The following PRIM2 variants were observed in gnomAD, a reference collection of about 807,000 sequenced individuals.
PRIM2 encodes the protein DNA primase subunit 2.
Under a neutral mutation model 67.3 loss-of-function variants are expected in PRIM2, and 39 were observed. The observed-to-expected ratio is 0.58, with a 90% CI of 0.45 to 0.76. PRIM2 has a LOEUF of 0.76. PRIM2 is among the 30% of genes least tolerant of loss of function. The pLI is 0.00. For synonymous variants in PRIM2, 143 were observed against 198.7 expected (o/e 0.72, Z 2.36); for missense variants, 398 against 598.7 (o/e 0.66, Z 3.50).
chr6:57,309,175 A>G, the PRIM2 span, among the ~76,000 whole-genome samples: 1 of 150,874 alleles, frequency 6.6e-6, no homozygotes, highest in African/African-American at 2.4e-5. Flanking sequence ...GTTTTAGGGT[A>G]CATGTACACA....
chr6:57,364,639 C>T (rs540127771), intron 5 of PRIM2, among the ~76,000 whole-genome samples: 10 of 152,048 alleles, frequency 6.6e-5, no homozygotes, highest in South Asian at 2.1e-4. Flanking sequence ...AGATGTTCTT[C>T]GTTTGGGTCT....
At chr6:57,541,890 CT>C (rs2127471797) in intron 10 of PRIM2, among the ~76,000 whole-genome samples, 1 of 152,146 alleles carries the variant, frequency 6.6e-6, no homozygotes, top group African/African-American at 2.4e-5. Context: ...GAAACACCCC[CT>C]CAGACACCCC....
intron 5 of PRIM2, among the ~76,000 whole-genome samples, chr6:57,357,469 T>C (rs1769067196): frequency 6.6e-6 from 1 of 152,222 alleles, no homozygotes; most frequent in African/African-American, 2.4e-5. Flanking sequence ...ACATGTTTTT[T>C]CCCCTTGACT....
At chr6:57,325,801 G>C in intron 4 of PRIM2, 124 bp from the exon 5 acceptor site, 1 of 890,814 alleles carries the variant, frequency 1.1e-6, no homozygotes, top group South Asian at 1.6e-5. Context: ...TAGAGGACTT[G>C]CATGTTTTTA....
intron 5 of PRIM2, among the ~76,000 whole-genome samples, chr6:57,368,060 A>G (rs997998956): frequency 1.3e-5 from 2 of 152,236 alleles, no homozygotes; most frequent in Non-Finnish European, 2.9e-5. Flanking sequence ...TGCTACCAAT[A>G]TAGAACCTAT....
At chr6:57,316,688 A>C (rs2127265283), upstream of PRIM2, among the ~76,000 whole-genome samples, 1 of 152,346 alleles carries the variant, frequency 6.6e-6, no homozygotes, top group South Asian at 2.1e-4. Context: ...CGCCTCCTAG[A>C]GGCCACGAGT....
intron 8 of PRIM2, among the ~76,000 whole-genome samples, chr6:57,514,080 C>T (rs1774429263): frequency 6.6e-6 from 1 of 152,054 alleles, no homozygotes; most frequent in Non-Finnish European, 1.5e-5. Context: ...TTATACAAAC[C>T]GTTATTTTAA....
At chr6:57,411,043 C>A (rs879465519) in intron 7 of PRIM2, among the ~76,000 whole-genome samples, 2 of 151,792 alleles carry the variant, frequency 1.3e-5, no homozygotes, top group Non-Finnish European at 2.9e-5. Context: ...TTGGATCATG[C>A]GGGCAGATCT....
chr6:57,335,705 C>T (rs1385589727), intron 5 of PRIM2, among the ~76,000 whole-genome samples: 2 of 152,188 alleles, frequency 1.3e-5, no homozygotes, highest in African/African-American at 4.8e-5. Context: ...ACCAAAAACC[C>T]ATCTGTACAC....
At chr6:57,502,429 T>C (rs2127458066) in intron 7 of PRIM2, among the ~76,000 whole-genome samples, 1 of 152,264 alleles carries the variant, frequency 6.6e-6, no homozygotes, top group Admixed American at 6.5e-5. Context: ...GGATGCGCAG[T>C]GAGGGTTTTC....
intron 7 of PRIM2, among the ~76,000 whole-genome samples, chr6:57,419,366 C>T (rs1233779536): frequency 4.6e-5 from 7 of 152,078 alleles, no homozygotes; most frequent in African/African-American, 1.7e-4. Flanking sequence ...CAATAGGGTT[C>T]ACTTTGGTGT....
chr6:57,523,403 G>T (rs1202013426), intron 8 of PRIM2, among the ~76,000 whole-genome samples: 1 of 152,178 alleles, frequency 6.6e-6, no homozygotes, highest in Non-Finnish European at 1.5e-5. Context: ...GTTCTTTTAT[G>T]CCTCCATGAT....
chr6:57,388,192 T>C (rs528906574), intron 7 of PRIM2, among the ~76,000 whole-genome samples: 36 of 152,244 alleles, frequency 2.4e-4, no homozygotes, highest in African/African-American at 7.7e-4. Flanking sequence ...TGAAAGACAT[T>C]GGATGATTTT....
At chr6:57,285,031 G>A in the PRIM2 span, among the ~76,000 whole-genome samples, 8 of 152,092 alleles carry the variant, frequency 5.3e-5, no homozygotes, top group Non-Finnish European at 7.4e-5. Flanking sequence ...AGAAGAAATC[G>A]ATAATTTCCT....
intron 7 of PRIM2, among the ~76,000 whole-genome samples, chr6:57,502,660 G>A (rs1554346980): frequency 2.0e-5 from 3 of 152,022 alleles, no homozygotes; most frequent in African/African-American, 7.2e-5. Flanking sequence ...CTCCTCCCTC[G>A]AAGTGTCTGT....
chr6:57,247,575 A>G, the PRIM2 span, among the ~76,000 whole-genome samples: 3 of 152,236 alleles, frequency 2.0e-5, no homozygotes, highest in Admixed American at 6.5e-5. Context: ...CTGCTGTAAT[A>G]GTATAAATTC....
the PRIM2 span, among the ~76,000 whole-genome samples, chr6:57,241,225 AAAAAAAAAAAAAAG>A: frequency 1.4e-5 from 2 of 147,382 alleles, no homozygotes; most frequent in Non-Finnish European, 3.0e-5. Context: ...CTCTGTCTCA[AAAAAAAAAAAAAAG>A]AAAAAAAGAA....
intron 12 of PRIM2, among the ~76,000 whole-genome samples, chr6:57,611,142 T>C (rs1272879232): frequency 6.6e-6 from 1 of 152,184 alleles, no homozygotes; most frequent in Non-Finnish European, 1.5e-5. Flanking sequence ...TAACTCAATA[T>C]ACAAAAATCA....
At chr6:57,288,226 G>T in the PRIM2 span, among the ~76,000 whole-genome samples, 4 of 152,168 alleles carry the variant, frequency 2.6e-5, no homozygotes, top group African/African-American at 9.7e-5. Context: ...TGGGGAGGGG[G>T]TGTCTGCCAT....
Sources: allele counts gnomAD v4.1 joint callset (sites outside exome capture counted in the v4.1 genomes callset), GRCh38; gene constraint gnomAD v4.1.1; transcripts MANE v1.5; gene names NCBI Gene and HGNC (gene_info 2026-07-23, HGNC 2026-07-21).